EPB41: variants seen among roughly 807,000 people sequenced by gnomAD.
The protein encoded by EPB41 is erythrocyte membrane protein band 4.1, also known as protein 4.1.
EPB41 carries 65 observed loss-of-function variants against 108.0 expected under a neutral mutation model. That is an observed-to-expected ratio of 0.60 (90% CI 0.49 to 0.74). EPB41 has a LOEUF of 0.74. Ranked by LOEUF, EPB41 falls within the 30% of genes least tolerant of loss-of-function variation. The pLI, the probability that EPB41 is intolerant of heterozygous loss-of-function variation, is 0.00. For synonymous variants in EPB41, 336 were observed against 358.9 expected (o/e 0.94, Z 0.72); for missense variants, 875 against 1,037.0 (o/e 0.84, Z 2.15).
chr1:28,898,685 CAA>C (rs1047164890), intron 1 of EPB41, among the ~76,000 whole-genome samples: 24 of 152,120 alleles, frequency 1.6e-4, no homozygotes, highest in Admixed American at 1.6e-3. Flanking sequence ...GAAACAAGCC[CAA>C]GTCTTCAGAG....
At chr1:28,938,851 G>A (rs2094159521) in intron 1 of EPB41, among the ~76,000 whole-genome samples, 1 of 152,092 alleles carries the variant, frequency 6.6e-6, no homozygotes, top group South Asian at 2.1e-4. Context: ...TGGTTAACTT[G>A]CTTGTTAGAA....
At chr1:28,987,377 A>G (rs1430114404) in intron 1 of EPB41, 54 bp from the exon 2 acceptor site, 7 of 1,511,534 alleles carry the variant, frequency 4.6e-6, no homozygotes, top group Admixed American at 1.7e-5. Flanking sequence ...GGTTTTGCCA[A>G]CAGTAATGTG....
intron 8 of EPB41, among the ~76,000 whole-genome samples, chr1:29,032,166 A>C (rs147205228): frequency 6.6e-6 from 1 of 152,128 alleles, no homozygotes; most frequent in East Asian, 1.9e-4. Context: ...ACTTCTATGA[A>C]TCTCTAAAGT....
chr1:29,053,341 A>T, intron 12 of EPB41, 29 bp downstream of exon 12: 2 of 1,613,460 alleles, frequency 1.2e-6, no homozygotes, highest in Non-Finnish European at 1.7e-6. Flanking sequence ...TACCTAGCTA[A>T]CTCACTTTCT....
chr1:28,943,266 C>T (rs150087), intron 1 of EPB41, among the ~76,000 whole-genome samples: 120,261 of 152,140 alleles, frequency 0.79, 48,138 homozygotes, highest in East Asian at 0.92. Context: ...GTGAAAGATT[C>T]GAATAAACAT....
intron 17 of EPB41, among the ~76,000 whole-genome samples, chr1:29,099,220 T>G (rs919910049): frequency 6.9e-6 from 1 of 144,610 alleles, no homozygotes; most frequent in African/African-American, 2.6e-5. Flanking sequence ...GGCAGGAGAA[T>G]CTCTTGAACA....
chr1:28,954,869 G>A lies in EPB41; in HGVS notation c.-7-32562G>A, dbSNP rs544602204. ...AGTAACCATTAATTATGTAGACCCC[G>A]TTCGTGTGATACGAGTTATAATTTT... On this transcript the variant is annotated intron_variant, in intron 1 of 20. Transcript: ENST00000343067. 3.9e-5 allele frequency among the ~76,000 whole-genome samples: 6 copies of A among 152,244 alleles called. No homozygotes were observed. The South Asian group carries it at 6.2e-4, about 16-fold the overall frequency.
intron 1 of EPB41, among the ~76,000 whole-genome samples, chr1:28,986,396 G>A (rs975915134): frequency 3.9e-5 from 6 of 152,146 alleles, no homozygotes; most frequent in African/African-American, 9.7e-5. Context: ...CTGTTATTGT[G>A]AAGCTTGACT....
chr1:29,033,176 C>T lies in EPB41; in HGVS notation c.1296C>T (p.Phe432=), dbSNP rs768930836. 1.1e-5 allele frequency: 18 copies of T among 1,613,878 alleles called. No homozygotes were observed. The South Asian group carries it at 2.0e-4, about 18-fold the overall frequency. ...VYKDKLRINR[F]PWPKVLKISY... is the part of the protein sequence containing the mutation. ...AAGATAAGCTGAGAATTAACCGCTT[C>T]CCTTGGCCCAAAGTGCTGAAGATTT... Residue 432 remains phenylalanine (F), a synonymous_variant, in exon 9 of 21, where the codon TTC becomes TTT. Coordinates refer to ENST00000343067, the MANE Select transcript of EPB41 (RefSeq NM_001376013.1).
At chr1:28,971,939 C>T (rs115783524) in intron 1 of EPB41, among the ~76,000 whole-genome samples, 3,740 of 152,010 alleles carry the variant, frequency 0.025, 147 homozygotes, top group African/African-American at 0.086. Context: ...CTCATTCTGT[C>T]ACCCAGTCTG....
At chr1:28,997,166 TAAAA>T in intron 3 of EPB41, 45 bp from the exon 4 acceptor site, 7 of 1,381,134 alleles carry the variant, frequency 5.1e-6, no homozygotes, top group Non-Finnish European at 7.2e-6. Flanking sequence ...GGGGAAAAAA[TAAAA>T]GAAGAAGAAA....
intron 1 of EPB41, among the ~76,000 whole-genome samples, chr1:28,934,811 T>C (rs576647470): frequency 1.3e-5 from 2 of 152,032 alleles, no homozygotes; most frequent in African/African-American, 4.8e-5. Flanking sequence ...GAGTCCCCAT[T>C]CCTTTTATTG....
At chr1:29,067,664 T>A (rs1464020124) in intron 16 of EPB41, among the ~76,000 whole-genome samples, 2 of 134,450 alleles carry the variant, frequency 1.5e-5, no homozygotes, top group Non-Finnish European at 3.1e-5. Flanking sequence ...GACTCCGTCT[T>A]AAAAAAAAAA....
At chr1:28,953,306 GT>G (rs145995023) in intron 1 of EPB41, among the ~76,000 whole-genome samples, 49 of 147,664 alleles carry the variant, frequency 3.3e-4, no homozygotes, top group East Asian at 3.1e-3. Flanking sequence ...AGGTTTCTTG[GT>G]TTTTTTTTTG....
intron 17 of EPB41, 81 bp downstream of exon 17, chr1:29,098,016 A>T: frequency 5.0e-6 from 8 of 1,587,160 alleles, no homozygotes; most frequent in Non-Finnish European, 6.9e-6. Flanking sequence ...CTAGTCATTT[A>T]TCGCCAAGAA....
At chr1:29,006,653 C>G (rs1420940134) in intron 4 of EPB41, among the ~76,000 whole-genome samples, 1 of 152,066 alleles carries the variant, frequency 6.6e-6, no homozygotes, top group African/African-American at 2.4e-5. Flanking sequence ...CCTCCAACCC[C>G]TTATCAGTTG....
At chr1:29,024,619 G>A (rs1356355480) in intron 7 of EPB41, among the ~76,000 whole-genome samples, 7 of 152,016 alleles carry the variant, frequency 4.6e-5, no homozygotes, top group African/African-American at 1.5e-4. Context: ...GCGACAGAGC[G>A]AGACTCCGTC....
At chr1:28,892,771 T>G (rs943404757) in intron 1 of EPB41, among the ~76,000 whole-genome samples, 1 of 148,336 alleles carries the variant, frequency 6.7e-6, no homozygotes, top group Non-Finnish European at 1.5e-5. Context: ...GAGCCATAAA[T>G]AGTGAAGTCA....
chr1:28,907,678 T>A (rs1479241881), intron 1 of EPB41, among the ~76,000 whole-genome samples: 4 of 151,996 alleles, frequency 2.6e-5, no homozygotes, highest in African/African-American at 7.3e-5. Flanking sequence ...GGTAGTGCGA[T>A]CATGGCTCAC....
Sources: allele counts gnomAD v4.1 joint callset (sites outside exome capture counted in the v4.1 genomes callset), GRCh38; gene constraint gnomAD v4.1.1; transcripts MANE v1.5; gene names NCBI Gene and HGNC (gene_info 2026-07-23, HGNC 2026-07-21).